Variants in OR4F3 observed in about 807,000 individuals in gnomAD.
The protein encoded by OR4F3 is olfactory receptor 4F3/4F16/4F29.
the OR4F3 span, among the ~76,000 whole-genome samples, chr5:181,359,184 C>A: frequency 5.5e-5 from 7 of 128,090 alleles, 1 homozygote; most frequent in Non-Finnish European, 8.1e-5. Flanking sequence ...TATGGCTTAA[C>A]CTTTTAATAT....
the OR4F3 span, among the ~76,000 whole-genome samples, chr5:181,361,507 G>A: frequency 2.9e-4 from 27 of 93,766 alleles, no homozygotes; most frequent in Admixed American, 6.0e-4. Flanking sequence ...AATGAATATT[G>A]ACTACCTTTC....
upstream of OR4F3, among the ~76,000 whole-genome samples, chr5:181,362,935 TA>T (rs1189055190): frequency 4.4e-5 from 1 of 22,796 alleles, no homozygotes; most frequent in African/African-American, 3.0e-4. Context: ...GTACATGTGA[TA>T]TTTTTGATAC....
At chr5:181,363,949 A>G (rs1761093219), upstream of OR4F3, among the ~76,000 whole-genome samples, 2 of 72,612 alleles carry the variant, frequency 2.8e-5, 1 homozygote, top group Non-Finnish European at 4.8e-5. Flanking sequence ...AAATTCCCAG[A>G]GTCAAACTCA....
chr5:181,348,599 G>A, the OR4F3 span, among the ~76,000 whole-genome samples: 2 of 28,894 alleles, frequency 6.9e-5, 1 homozygote, highest in African/African-American at 1.1e-4. Flanking sequence ...CTGGATTCTG[G>A]CTATAAACTC....
the OR4F3 span, among the ~76,000 whole-genome samples, chr5:181,357,421 G>A: frequency 3.2e-5 from 4 of 124,336 alleles, 1 homozygote; most frequent in South Asian, 2.7e-4. Flanking sequence ...CTTGTATCAT[G>A]TTATCTCTAT....
At chr5:181,358,950 GAGAA>G in the OR4F3 span, among the ~76,000 whole-genome samples, 1 of 60,346 alleles carries the variant, frequency 1.7e-5, no homozygotes, top group African/African-American at 8.5e-5. Context: ...AAAGAAGAGA[GAGAA>G]AGAAGTATGT....
the OR4F3 span, among the ~76,000 whole-genome samples, chr5:181,354,596 C>T: frequency 3.3e-5 from 4 of 121,920 alleles, no homozygotes; most frequent in Admixed American, 1.5e-4. Context: ...AAGAGGGCTG[C>T]TGTCCTCCAG....
the OR4F3 span, among the ~76,000 whole-genome samples, chr5:181,354,425 AT>A: frequency 1.5e-5 from 2 of 130,968 alleles, 1 homozygote; most frequent in African/African-American, 6.5e-5. Context: ...CTCCACCTAG[AT>A]TTCAGAGAAT....
chr5:181,354,074 A>AG, the OR4F3 span, among the ~76,000 whole-genome samples: 8 of 73,732 alleles, frequency 1.1e-4, 1 homozygote, highest in East Asian at 1.8e-3. Context: ...GAGAAATTCA[A>AG]GCTGGCTGCA....
chr5:181,363,417 T>G (rs1335334785), upstream of OR4F3, among the ~76,000 whole-genome samples: 41 of 94,024 alleles, frequency 4.4e-4, 1 homozygote, highest in African/African-American at 9.9e-4. Flanking sequence ...AAAGTCCAAA[T>G]TATTAACCTT....
the OR4F3 span, among the ~76,000 whole-genome samples, chr5:181,357,406 G>A: frequency 7.9e-6 from 1 of 126,928 alleles, no homozygotes; most frequent in Non-Finnish European, 1.6e-5. Context: ...GCTTCAGAAT[G>A]CTCACTTGTA....
At chr5:181,363,797 A>C (rs1351667202), upstream of OR4F3, among the ~76,000 whole-genome samples, 1 of 87,938 alleles carries the variant, frequency 1.1e-5, no homozygotes, top group Non-Finnish European at 2.0e-5. Flanking sequence ...CAATATTTCC[A>C]TTTATTATCA....
the OR4F3 span, among the ~76,000 whole-genome samples, chr5:181,357,141 G>A: frequency 1.1e-4 from 15 of 133,916 alleles, 2 homozygotes; most frequent in Admixed American, 2.1e-4. Flanking sequence ...TCCCACCTTC[G>A]TCATCCAACT....
chr5:181,357,137 C>T, the OR4F3 span, among the ~76,000 whole-genome samples: 2 of 134,660 alleles, frequency 1.5e-5, 1 homozygote, highest in Non-Finnish European at 3.2e-5. Flanking sequence ...CCTCTCCCAC[C>T]TTCGTCATCC....
chr5:181,354,293 TA>T, the OR4F3 span, among the ~76,000 whole-genome samples: 1 of 132,420 alleles, frequency 7.6e-6, no homozygotes, highest in Non-Finnish European at 1.6e-5. Flanking sequence ...CAGCCACAGC[TA>T]AAAGGGGTCA....
upstream of OR4F3, among the ~76,000 whole-genome samples, chr5:181,362,632 A>T (rs1761080321): frequency 1.7e-5 from 2 of 116,520 alleles, no homozygotes; most frequent in Non-Finnish European, 3.4e-5. Flanking sequence ...CCTGAGAATC[A>T]GGGAGTATTT....
At chr5:181,359,658 C>A in the OR4F3 span, among the ~76,000 whole-genome samples, 1 of 132,996 alleles carries the variant, frequency 7.5e-6, no homozygotes, top group East Asian at 2.0e-4. Flanking sequence ...ATTCCCCAGG[C>A]CGTGTGATCT....
At chr5:181,360,889 CA>C in the OR4F3 span, among the ~76,000 whole-genome samples, 1 of 127,868 alleles carries the variant, frequency 7.8e-6, no homozygotes, top group Non-Finnish European at 1.6e-5. Flanking sequence ...TTATTTCCTT[CA>C]GGGACCTTAT....
the OR4F3 span, among the ~76,000 whole-genome samples, chr5:181,357,075 C>T: frequency 7.5e-6 from 1 of 134,010 alleles, no homozygotes. Flanking sequence ...TCCAAGGGCG[C>T]TCTCCATTGA....
Sources: gnomAD v4.1 joint callset for allele counts (sites outside exome capture counted in the v4.1 genomes callset) on GRCh38, gnomAD v4.1.1 for gene constraint, MANE v1.5 for transcripts, NCBI Gene and HGNC (gene_info 2026-07-23, HGNC 2026-07-21) for gene names.